The following DIAPH3 variants were observed in gnomAD, a reference collection of about 807,000 sequenced individuals.
DIAPH3 encodes the protein protein diaphanous homolog 3.
DIAPH3 carries 117 observed loss-of-function variants against 144.3 expected under a neutral mutation model. The observed-to-expected ratio is 0.81, with a 90% CI of 0.70 to 0.95. The LOEUF (loss-of-function observed/expected upper bound fraction) is 0.95. Among genes scored for constraint, DIAPH3 ranks in the 40% least tolerant of loss-of-function variants. DIAPH3 has a pLI of 0.00. For missense variants in DIAPH3, 1,421 were observed against 1,412.7 expected, an observed-to-expected ratio of 1.01 and a Z score of -0.09; for synonymous variants, 519 against 488.9, an observed-to-expected ratio of 1.06 and a Z score of -0.81.
chr13:59,819,786 A>G (rs935315063), intron 24 of DIAPH3, among the ~76,000 whole-genome samples: 1 of 151,438 alleles, frequency 6.6e-6, no homozygotes, highest in African/African-American at 2.4e-5. Context: ...AATCAATCTG[A>G]GCTTATTGCT....
chr13:60,100,326 T>A (rs930175538), intron 3 of DIAPH3, among the ~76,000 whole-genome samples: 1 of 152,060 alleles, frequency 6.6e-6, no homozygotes, highest in Admixed American at 6.6e-5. Flanking sequence ...AAAAAAAAAG[T>A]CAGGCAAACC....
rs141364825 is a variant in DIAPH3, at chr13:59,705,137, T to C, written c.3320-38291A>G. Among the ~76,000 whole-genome samples, 197 of 151,634 alleles carry C rather than the reference T, an allele frequency of 1.3e-3. 2 individuals are homozygous for C. The highest frequency in any genetic ancestry group is 2.6e-3 in the Admixed American group (40 of 15,284). On this transcript the variant is annotated intron_variant, in intron 27 of 27. Coordinates refer to ENST00000400324, the MANE Select transcript of DIAPH3 (RefSeq NM_001042517.2). ...TGTGTGCCAAACAGTGTGTGAGAGA[T>C]TTGCATTCAAAAATGATTATAGCCT...
At chr13:59,878,483 T>A (rs1259835395) in intron 21 of DIAPH3, among the ~76,000 whole-genome samples, 1 of 152,114 alleles carries the variant, frequency 6.6e-6, no homozygotes, top group East Asian at 1.9e-4. Flanking sequence ...GTGTGGTTGT[T>A]ACGAGGTCAA....
At chr13:59,795,674 C>T (rs1250639720) in intron 25 of DIAPH3, among the ~76,000 whole-genome samples, 2 of 151,928 alleles carry the variant, frequency 1.3e-5, no homozygotes, top group East Asian at 1.9e-4. Context: ...AAGATGGTCT[C>T]GATCTCCTGA....
At chr13:59,873,479 G>A (rs775533538) in intron 21 of DIAPH3, among the ~76,000 whole-genome samples, 23 of 152,120 alleles carry the variant, frequency 1.5e-4, no homozygotes, top group Non-Finnish European at 2.8e-4. Flanking sequence ...CCTGTCTCAT[G>A]CTTTTGTAGT....
intron 17 of DIAPH3, among the ~76,000 whole-genome samples, chr13:59,945,752 A>C: frequency 6.6e-6 from 1 of 152,302 alleles, no homozygotes; most frequent in Middle Eastern, 3.4e-3. Flanking sequence ...TCTTCCACAG[A>C]GGAATATTGA....
At chr13:59,743,936 A>G (rs1367892042) in intron 27 of DIAPH3, among the ~76,000 whole-genome samples, 1 of 152,222 alleles carries the variant, frequency 6.6e-6, no homozygotes, top group Non-Finnish European at 1.5e-5. Flanking sequence ...TTCTTGTCTC[A>G]AAATACACAC....
chr13:59,846,764 C>T (rs1486112519), intron 22 of DIAPH3, among the ~76,000 whole-genome samples: 1 of 152,042 alleles, frequency 6.6e-6, no homozygotes, highest in Admixed American at 6.6e-5. Context: ...TAGTTCGTAA[C>T]AGGCAAAGAT....
intron 27 of DIAPH3, among the ~76,000 whole-genome samples, chr13:59,749,287 G>C (rs2036869449): frequency 1.3e-5 from 2 of 149,026 alleles, no homozygotes; most frequent in Non-Finnish European, 3.0e-5. Context: ...TTGGGAGGCA[G>C]AGGCAGGTGG....
intron 1 of DIAPH3, among the ~76,000 whole-genome samples, chr13:60,162,554 ATAAT>A (rs1222269673): frequency 6.6e-6 from 1 of 152,194 alleles, no homozygotes; most frequent in Non-Finnish European, 1.5e-5. Context: ...TTAATTTGGC[ATAAT>A]TAATCTATGC....
chr13:59,946,569 A>G (rs1395492562), intron 17 of DIAPH3, among the ~76,000 whole-genome samples: 7 of 152,194 alleles, frequency 4.6e-5, no homozygotes, highest in Non-Finnish European at 5.9e-5. Context: ...AGTAGCACAC[A>G]AATAAACAAA....
intron 17 of DIAPH3, among the ~76,000 whole-genome samples, chr13:59,948,652 G>T (rs1329012185): frequency 3.9e-5 from 6 of 151,976 alleles, no homozygotes; most frequent in Non-Finnish European, 8.8e-5. Context: ...GTTTGTTTTT[G>T]TTTTTGCTAT....
At chr13:60,067,321 A>G (rs551339970) in intron 4 of DIAPH3, among the ~76,000 whole-genome samples, 70 of 152,188 alleles carry the variant, frequency 4.6e-4, no homozygotes, top group African/African-American at 1.6e-3. Flanking sequence ...TTCTCACTGA[A>G]AGTCACTCTA....
intron 27 of DIAPH3, among the ~76,000 whole-genome samples, chr13:59,680,728 T>A (rs549022397): frequency 3.9e-5 from 6 of 152,262 alleles, no homozygotes; most frequent in African/African-American, 1.4e-4. Flanking sequence ...TACACTCATT[T>A]ACAACTATTA....
intron 7 of DIAPH3, among the ~76,000 whole-genome samples, chr13:60,011,636 T>C (rs1348916120): frequency 6.6e-6 from 1 of 152,162 alleles, no homozygotes; most frequent in East Asian, 1.9e-4. Context: ...ACACTTCAAA[T>C]GCTCAGAAGC....
intron 4 of DIAPH3, among the ~76,000 whole-genome samples, chr13:60,049,705 G>C (rs1272740419): frequency 6.6e-6 from 1 of 152,178 alleles, no homozygotes; most frequent in Non-Finnish European, 1.5e-5. Flanking sequence ...CCTATTGTGT[G>C]CCAAGTACTG....
At chr13:59,774,853 A>C (rs773484884) in intron 25 of DIAPH3, 30 bp from the exon 26 acceptor site, 10 of 1,577,830 alleles carry the variant, frequency 6.3e-6, no homozygotes, top group Non-Finnish European at 8.7e-6. Flanking sequence ...GAATTCCATC[A>C]GCCCTCAGGG....
intron 27 of DIAPH3, among the ~76,000 whole-genome samples, chr13:59,763,445 G>A (rs1319269197): frequency 6.6e-6 from 1 of 152,060 alleles, no homozygotes; most frequent in African/African-American, 2.4e-5. Context: ...GGGAGGCTCA[G>A]GCGGGAGAAT....
chr13:59,932,382 C>T (rs931681369), intron 17 of DIAPH3, among the ~76,000 whole-genome samples: 1 of 152,020 alleles, frequency 6.6e-6, no homozygotes, highest in Non-Finnish European at 1.5e-5. Context: ...CATCCTAATA[C>T]TACTACTAGT....
Sources: allele counts gnomAD v4.1 joint callset (sites outside exome capture counted in the v4.1 genomes callset), GRCh38; gene constraint gnomAD v4.1.1; transcripts MANE v1.5; gene names NCBI Gene and HGNC (gene_info 2026-07-23, HGNC 2026-07-21).